STAT3: variants seen among roughly 807,000 people sequenced by gnomAD.
STAT3 encodes the protein signal transducer and activator of transcription 3.
STAT3 carries 7 observed loss-of-function variants against 114.3 expected under a neutral mutation model. The ratio of observed to expected loss-of-function variants is 0.06; its 90% CI spans 0.03 to 0.11. The LOEUF (loss-of-function observed/expected upper bound fraction) is 0.11. Ranked by LOEUF, STAT3 falls within the 10% of genes least tolerant of loss-of-function variation. The pLI, the probability that STAT3 is intolerant of heterozygous loss-of-function variation, is 1.00. For missense variants in STAT3, 364 were observed against 960.9 expected (o/e 0.38, Z 8.21); for synonymous variants, 331 against 354.5 (o/e 0.93, Z 0.74).
chr17:42,322,854 G>A (rs1426364855), intron 20 of STAT3, 150 bp downstream of exon 20: 5 of 1,107,130 alleles, frequency 4.5e-6, no homozygotes, highest in Non-Finnish European at 6.7e-6. Context: ...GAAGGATTTA[G>A]AAGTCACGCA....
intron 1 of STAT3, among the ~76,000 whole-genome samples, chr17:42,366,221 C>T (rs568330814): frequency 2.0e-5 from 3 of 152,166 alleles, no homozygotes; most frequent in African/African-American, 4.8e-5. Context: ...CTCCTCCAGT[C>T]TCCCCCATTC....
chr17:42,376,113 T>C (rs12951971), intron 1 of STAT3, among the ~76,000 whole-genome samples: 2 of 149,944 alleles, frequency 1.3e-5, no homozygotes, highest in Non-Finnish European at 3.0e-5. Context: ...ATCATGCCAC[T>C]GCACTCCAGC....
rs2084756253 is a variant in STAT3, at chr17:42,380,916, AAATAAATAGTAAT to A, written c.-24+7350_-24+7362del. ...TGACAGAGTGAGAACCTGTCTCAAA[AAATAAATAGTAAT>A]AATAGTAATTATTAGCACTTGAATG... On this transcript the variant is annotated intron_variant, in intron 1 of 23. Transcript: ENST00000264657. 3.3e-5 allele frequency among the ~76,000 whole-genome samples: 5 copies of A among 152,270 alleles called. No homozygotes were observed. The South Asian group carries it at 1.0e-3, about 32-fold the overall frequency.
chr17:42,354,051 G>A (rs1193840806), intron 1 of STAT3, among the ~76,000 whole-genome samples: 3 of 151,766 alleles, frequency 2.0e-5, no homozygotes, highest in East Asian at 3.9e-4. Context: ...CTAAAAACGT[G>A]TAAGTTATTG....
chr17:42,350,028 T>G (rs2082868951), intron 1 of STAT3, among the ~76,000 whole-genome samples: 1 of 151,018 alleles, frequency 6.6e-6, no homozygotes, highest in Admixed American at 6.6e-5. Context: ...TGCATTCCAG[T>G]CTGGCAACTA....
At position 42,314,297 on chromosome 17, in the gene STAT3, T is replaced by C. The variant is rs2081174550; in HGVS notation, c.*1448A>G. The stretch of plus-strand genomic sequence containing the variant: ...TCACCAAGAAACTGGCTAAGAACCA[T>C]ATTCCCTGAGCTCAACCAGACACGT... On this transcript the variant is annotated 3_prime_UTR_variant, in exon 24 of 24. Coordinates refer to ENST00000264657, the MANE Select transcript of STAT3 (RefSeq NM_139276.3). The C allele has an allele frequency of 4.3e-6, 1 of 233,190 alleles. No individual in the cohort carries two copies. The allele number at this position is 233,190 out of a possible 1,614,324, so 14.4% of individuals were successfully genotyped here.
chr17:42,384,660 T>C (rs1013593699), intron 1 of STAT3, among the ~76,000 whole-genome samples: 1 of 151,816 alleles, frequency 6.6e-6, no homozygotes, highest in African/African-American at 2.4e-5. Flanking sequence ...GCTTGGGTGA[T>C]CCTCCCACCT....
At chr17:42,361,101 C>G (rs112432288) in intron 1 of STAT3, among the ~76,000 whole-genome samples, 6 of 152,226 alleles carry the variant, frequency 3.9e-5, no homozygotes, top group African/African-American at 1.4e-4. Flanking sequence ...CTGGCTGACA[C>G]TAAAAAATAT....
In STAT3 at chr17:42,315,506, G is replaced by A; in HGVS notation, c.*239C>T. On this transcript the variant is annotated 3_prime_UTR_variant, in exon 24 of 24. Transcript: ENST00000264657. Reference sequence around the variant, plus strand: ...CCCCCCGCCACATCCCCTGATCATGGGTCTCAGAGAACACATCCTTATTTG... The same window carrying A: ...CCCCCCGCCACATCCCCTGATCATGAGTCTCAGAGAACACATCCTTATTTG... 1 of 604,088 alleles carries A rather than the reference G, an allele frequency of 1.7e-6. No individual in the cohort carries two copies. Among genetic ancestry groups the A allele is most frequent in the Admixed American group, 2.8e-5 (1 of 35,924 alleles). 37.4% of individuals were successfully genotyped at this position (604,088 alleles called of 1,614,324 possible).
At chr17:42,369,175 C>T (rs979173403) in intron 1 of STAT3, among the ~76,000 whole-genome samples, 16 of 152,140 alleles carry the variant, frequency 1.1e-4, no homozygotes, top group South Asian at 6.2e-4. Flanking sequence ...CTGCCCAACA[C>T]GGTGAAACCC....
chr17:42,314,562 A>T lies in STAT3; in HGVS notation c.*1183T>A, dbSNP rs1479275922. On this transcript the variant is annotated 3_prime_UTR_variant, in exon 24 of 24. Coordinates refer to ENST00000264657, the MANE Select transcript of STAT3 (RefSeq NM_139276.3). ...CCCACAGAAACAACCTAGCCTCTGA[A>T]ACAGCAGATCAAGTCCAGGGAGAAA... 8.6e-6 allele frequency: 2 copies of T among 232,790 alleles called. No homozygotes were observed. The highest frequency in any genetic ancestry group is 1.7e-5 in the Non-Finnish European group (2 of 117,516). The allele number at this position is 232,790 out of a possible 1,614,324, so 14.4% of individuals were successfully genotyped here.
chr17:42,384,274 G>A (rs866621136), intron 1 of STAT3, among the ~76,000 whole-genome samples: 136 of 150,660 alleles, frequency 9.0e-4, no homozygotes, highest in African/African-American at 3.1e-3. Context: ...GACTACAGAC[G>A]CCCGCCACAA....
In STAT3 at chr17:42,341,857, C is replaced by T. The variant is rs1003672087; in HGVS notation, c.373-2448G>A. ...TAAATAAATGAGTGTGGCTGGGTTCCGAAAAAACCTCATTTACAAAAACAA... is the reference window on the plus strand; with the variant it reads ...TAAATAAATGAGTGTGGCTGGGTTCTGAAAAAACCTCATTTACAAAAACAA... On this transcript the variant is annotated intron_variant, in intron 4 of 23. Transcript: ENST00000264657. Among the ~76,000 whole-genome samples, 8 of 151,696 alleles carry T rather than the reference C, an allele frequency of 5.3e-5. No individual in the cohort carries two copies. The South Asian group carries it at 8.3e-4, about 16-fold the overall frequency.
intron 1 of STAT3, among the ~76,000 whole-genome samples, chr17:42,353,625 A>C (rs952744224): frequency 2.0e-5 from 3 of 152,074 alleles, no homozygotes; most frequent in Admixed American, 6.6e-5. Context: ...CCCAGGCTGG[A>C]GTGCAGTGGC....
At chr17:42,371,389 G>C (rs373218442) in intron 1 of STAT3, among the ~76,000 whole-genome samples, 1 of 151,996 alleles carries the variant, frequency 6.6e-6, no homozygotes, top group African/African-American at 2.4e-5. Flanking sequence ...AGCCAAAACA[G>C]GCGGGGCACG....
chr17:42,357,846 T>C (rs2083301986), intron 1 of STAT3, among the ~76,000 whole-genome samples: 2 of 152,088 alleles, frequency 1.3e-5, no homozygotes, highest in South Asian at 4.1e-4. Context: ...TAGTTTTAAG[T>C]CCAAATAGTA....
In STAT3 at chr17:42,323,881, G is replaced by A. The variant is rs1475914216; in HGVS notation, c.1601-256C>T. On this transcript the variant is annotated intron_variant, in intron 17 of 23. Coordinates refer to ENST00000264657, the MANE Select transcript of STAT3 (RefSeq NM_139276.3). ...AAGTCCCCCTGCTCTTCCCAACCTC[G>A]GGTGGTAGGCTGGGAACCAACAGCA... 2.0e-5 allele frequency among the ~76,000 whole-genome samples: 3 copies of A among 152,172 alleles called. No homozygotes were observed. The South Asian group carries it at 6.2e-4, about 32-fold the overall frequency.
chr17:42,360,443 G>A (rs981833063), intron 1 of STAT3, among the ~76,000 whole-genome samples: 1 of 151,780 alleles, frequency 6.6e-6, no homozygotes, highest in African/African-American at 2.4e-5. Flanking sequence ...TCGGGAGTTC[G>A]AGACCAGCCT....
intron 1 of STAT3, among the ~76,000 whole-genome samples, chr17:42,362,510 T>G (rs532017681): frequency 6.6e-6 from 1 of 152,332 alleles, no homozygotes; most frequent in South Asian, 2.1e-4. Context: ...ACCCTCCTGA[T>G]GACTGCTCTG....
Sources: gnomAD v4.1 joint callset for allele counts (sites outside exome capture counted in the v4.1 genomes callset) on GRCh38, gnomAD v4.1.1 for gene constraint, MANE v1.5 for transcripts, NCBI Gene and HGNC (gene_info 2026-07-23, HGNC 2026-07-21) for gene names.